The following SFMBT1 variants were observed in gnomAD, a reference collection of about 807,000 sequenced individuals.
SFMBT1 encodes the protein Scm like with four mbt domains 1, also known as scm-like with four MBT domains protein 1.
In SFMBT1, 32 loss-of-function variants were observed where a neutral mutation model predicts 108.7. That is an observed-to-expected ratio of 0.29 (90% confidence interval 0.22 to 0.40). SFMBT1 has a LOEUF of 0.40. Among genes scored for constraint, SFMBT1 ranks in the 10% least tolerant of loss-of-function variants. The probability of loss-of-function intolerance (pLI) is 1.00; values close to 1 mark genes in which losing one functional copy is unlikely to be tolerated. For missense variants in SFMBT1, 816 were observed against 1,059.6 expected (o/e 0.77, Z 3.19); for synonymous variants, 348 against 369.5 (o/e 0.94, Z 0.67).
intron 1 of SFMBT1, among the ~76,000 whole-genome samples, chr3:52,974,003 G>A (rs1480972812): frequency 3.9e-5 from 6 of 152,098 alleles, no homozygotes; most frequent in African/African-American, 9.7e-5. Context: ...TGATTACATG[G>A]GGAAGTTGCA....
In SFMBT1 at chr3:52,981,529, ATTTT is replaced by A. The variant is rs34406724; in HGVS notation, c.-130-12275_-130-12272del. ...AGGCATATGCCACCATGCTCAGCTA[ATTTT>A]TTTTTTTTTTTTTTTTTTACTTTTC... On this transcript the variant is annotated intron_variant, in intron 1 of 20. Transcript: ENST00000394752. Among the ~76,000 whole-genome samples, 287 of 133,020 alleles carry A rather than the reference ATTTT, an allele frequency of 2.2e-3. 1 individual carries two copies. The highest frequency in any genetic ancestry group is 7.8e-3 in the Middle Eastern group (2 of 256). The allele number at this position is 133,020 out of a possible 152,430, so 87.3% of individuals were successfully genotyped here. A position where few individuals can be genotyped will look rare whatever the true frequency, so the allele number is the denominator to read the frequency against.
Position 53,011,054 on chromosome 3 carries a change from C to T in SFMBT1, c.-131+34762G>A, listed in dbSNP as rs552595882. On this transcript the variant is annotated intron_variant, in intron 1 of 20. Coordinates refer to ENST00000394752, the MANE Select transcript of SFMBT1 (RefSeq NM_016329.4). ...TGGCCCAATAGGAAGCTCAGTCTTG[C>T]CCTAAAGGATTTTACAGTTACAGAT... Among the ~76,000 whole-genome samples, 4 of 152,242 alleles carry T rather than the reference C, an allele frequency of 2.6e-5. No homozygotes were observed. The East Asian group carries it at 7.7e-4, about 29-fold the overall frequency.
intron 1 of SFMBT1, among the ~76,000 whole-genome samples, chr3:52,969,920 T>C (rs1173853756): frequency 6.6e-6 from 1 of 151,988 alleles, no homozygotes; most frequent in Non-Finnish European, 1.5e-5. Context: ...CTGGGCAACA[T>C]GGCAAAACCT....
At chr3:52,996,929 C>T (rs997750920) in intron 1 of SFMBT1, among the ~76,000 whole-genome samples, 2 of 149,386 alleles carry the variant, frequency 1.3e-5, no homozygotes, top group Non-Finnish European at 3.0e-5. Flanking sequence ...ATTAGCCGGG[C>T]GTAGTGGCGG....
chr3:52,970,246 G>GA (rs1403764698), intron 1 of SFMBT1, among the ~76,000 whole-genome samples: 1 of 152,128 alleles, frequency 6.6e-6, no homozygotes, highest in Non-Finnish European at 1.5e-5. Flanking sequence ...CTATTATCCT[G>GA]AAAAGAAGCC....
chr3:53,012,787 A>G (rs1418304113), intron 1 of SFMBT1, among the ~76,000 whole-genome samples: 5 of 151,454 alleles, frequency 3.3e-5, no homozygotes, highest in South Asian at 2.1e-4. Context: ...CCTACATATC[A>G]TATGATTCAA....
chr3:52,975,057 A>C (rs1704473992), intron 1 of SFMBT1, among the ~76,000 whole-genome samples: 1 of 152,028 alleles, frequency 6.6e-6, no homozygotes, highest in African/African-American at 2.4e-5. Context: ...TAAACCCAAC[A>C]CAGGGCAAAT....
At chr3:53,020,423 GA>G (rs1559552249) in intron 1 of SFMBT1, among the ~76,000 whole-genome samples, 1 of 148,538 alleles carries the variant, frequency 6.7e-6, no homozygotes, top group African/African-American at 2.6e-5. Context: ...CAAAAATAAA[GA>G]AAAAGAAAAA....
rs149839478 is a variant in SFMBT1, at chr3:53,017,314, T to A, written c.-131+28502A>T. On this transcript the variant is annotated intron_variant, in intron 1 of 20. Transcript: ENST00000394752. ...AGGAAATATTTTCATTTTGAGGATG[T>A]TGCAGTCACTTTACTCTCCAGGTCC... is the stretch of plus-strand genomic sequence containing the variant. 3.3e-4 allele frequency among the ~76,000 whole-genome samples: 51 copies of A among 152,344 alleles called. No individual in the cohort carries two copies. The East Asian group carries it at 8.5e-3, about 25-fold the overall frequency.
intron 3 of SFMBT1, among the ~76,000 whole-genome samples, chr3:52,945,151 A>AAAAAAAAAAAAAAAAAAAAAAC (rs1208407962): frequency 6.7e-6 from 1 of 148,574 alleles, no homozygotes; most frequent in African/African-American, 2.5e-5. Context: ...AAAAAAAAAA[A>AAAAAAAAAAAAAAAAAAAAAAC]CAAGGACTTC....
chr3:53,033,114 C>T (rs1290361856), intron 1 of SFMBT1, among the ~76,000 whole-genome samples: 1 of 151,908 alleles, frequency 6.6e-6, no homozygotes, highest in Non-Finnish European at 1.5e-5. Context: ...TTGAGACCAG[C>T]CTGGGCAACA....
At chr3:53,033,967 G>A (rs921460982) in intron 1 of SFMBT1, among the ~76,000 whole-genome samples, 1 of 151,120 alleles carries the variant, frequency 6.6e-6, no homozygotes, top group Non-Finnish European at 1.5e-5. Context: ...CTACTTGGGA[G>A]GCTGAGGCAG....
chr3:52,926,092 T>C lies in SFMBT1; in HGVS notation c.1070A>G (p.Asp357Gly). 1 of 1,604,106 alleles carries C rather than the reference T, an allele frequency of 6.2e-7. No individual in the cohort carries two copies. Among genetic ancestry groups the C allele is most frequent in the Admixed American group, 1.7e-5 (1 of 58,114 alleles). ...ACACTGTTTGAGGTAGTCAGCCCAG[T>C]CAAAGTCCTGGCTTGGGTAGCCTAG... ...PPPGYPSQDF[D>G]WADYLKQCGA... Residue 357 changes from aspartate to glycine, a missense_variant, in exon 10 of 21, where the codon GAC (aspartate) becomes GGC (glycine). Coordinates refer to ENST00000394752, the MANE Select transcript of SFMBT1 (RefSeq NM_016329.4).
intron 1 of SFMBT1, among the ~76,000 whole-genome samples, chr3:53,017,142 C>T (rs989293290): frequency 6.6e-6 from 1 of 151,974 alleles, no homozygotes; most frequent in Non-Finnish European, 1.5e-5. Flanking sequence ...ATTACTAGTC[C>T]CATCTTAAAG....
intron 2 of SFMBT1, among the ~76,000 whole-genome samples, chr3:52,962,005 T>A (rs1442783151): frequency 1.3e-5 from 2 of 152,176 alleles, no homozygotes; most frequent in East Asian, 3.8e-4. Context: ...ATTAAAGAAA[T>A]AAATGCATAA....
At chr3:52,910,101 C>A (rs1702180145) in intron 17 of SFMBT1, among the ~76,000 whole-genome samples, 1 of 152,060 alleles carries the variant, frequency 6.6e-6, no homozygotes, top group Non-Finnish European at 1.5e-5. Flanking sequence ...ATAAACAGCA[C>A]CCCACCTCCC....
intron 2 of SFMBT1, among the ~76,000 whole-genome samples, chr3:52,960,921 A>G (rs1319319188): frequency 6.6e-6 from 1 of 152,208 alleles, no homozygotes; most frequent in African/African-American, 2.4e-5. Context: ...GGACAGCTTA[A>G]GCCCAGGAGT....
chr3:53,036,851 GT>G (rs1699885034), intron 1 of SFMBT1, among the ~76,000 whole-genome samples: 2 of 152,202 alleles, frequency 1.3e-5, no homozygotes, highest in Admixed American at 1.3e-4. Flanking sequence ...AAGGCTGCAG[GT>G]GGCTTACGGG....
At position 53,001,397 on chromosome 3, in the gene SFMBT1, T is replaced by C. The variant is rs1487685836; in HGVS notation, c.-130-32139A>G. Among the ~76,000 whole-genome samples, 6 of 150,124 alleles carry C rather than the reference T, an allele frequency of 4.0e-5. No homozygotes were observed. The East Asian group carries it at 1.2e-3, about 29-fold the overall frequency. ...AGTGAGCCATGATCGTGTGTCACTT[T>C]AGCTTGCATGACAGAGTGAGACTCC... On this transcript the variant is annotated intron_variant, in intron 1 of 20. Transcript: ENST00000394752.
Sources: allele counts gnomAD v4.1 joint callset (sites outside exome capture counted in the v4.1 genomes callset), GRCh38; gene constraint gnomAD v4.1.1; transcripts MANE v1.5; gene names NCBI Gene and HGNC (gene_info 2026-07-23, HGNC 2026-07-21).